Variants in KLHL4 observed in about 807,000 individuals in gnomAD.
KLHL4 encodes kelch like family member 4.
KLHL4 carries 17 observed loss-of-function variants against 45.8 expected under a neutral mutation model. The ratio of observed to expected loss-of-function variants is 0.37; its 90% CI spans 0.25 to 0.56. The LOEUF is 0.56. KLHL4 is among the 20% of genes least tolerant of loss of function. The pLI is 0.79. For synonymous variants in KLHL4, 224 were observed against 189.9 expected (o/e 1.18, Z -1.47); for missense variants, 544 against 544.9 (o/e 1.00, Z 0.02).
chrX:87,569,638 G>T (rs1275489117), intron 1 of KLHL4, among the ~76,000 whole-genome samples: 1 of 111,632 alleles, frequency 9.0e-6, no homozygotes, highest in East Asian at 2.8e-4. Flanking sequence ...ATACTGTTCA[G>T]CCGTATAAAG....
intron 9 of KLHL4, among the ~76,000 whole-genome samples, chrX:87,654,489 ATGTGTGTGTG>A (rs59086766): frequency 9.4e-6 from 1 of 106,772 alleles, no homozygotes; most frequent in Non-Finnish European, 1.9e-5. Context: ...GTGTATGTAT[ATGTGTGTGTG>A]TGTGTGTGTG....
At chrX:87,592,538 G>T (rs1448603274) in intron 1 of KLHL4, among the ~76,000 whole-genome samples, 2 of 111,101 alleles carry the variant, frequency 1.8e-5, no homozygotes, top group Non-Finnish European at 3.8e-5. Context: ...CCTGCCTTTT[G>T]GATAAAAGCC....
chrX:87,628,400 A>C (rs147074323), intron 6 of KLHL4, among the ~76,000 whole-genome samples: 2,344 of 111,866 alleles, frequency 0.021, 69 homozygotes, highest in African/African-American at 0.073. Context: ...AAAAAGAAAA[A>C]AGAGAAAAAG....
Position 87,657,327 on chromosome X carries a change from G to A in KLHL4, c.1926-7437G>A, listed in dbSNP as rs1924025529. ...AGCACCATGAAGAGGGTGAAGTTGG[G>A]CAGAGCTGGACCAGCTGGGGCCACC... is the stretch of plus-strand genomic sequence containing the variant. On this transcript the variant is annotated intron_variant, in intron 9 of 10. Coordinates refer to ENST00000373119, the MANE Select transcript of KLHL4 (RefSeq NM_019117.5). Among the ~76,000 whole-genome samples the A allele has an allele frequency of 5.3e-5, 6 of 112,382 alleles. No individual in the cohort carries two copies. The Admixed American group carries it at 5.7e-4, about 11-fold the overall frequency.
chrX:87,601,768 T>A (rs1482173570), intron 1 of KLHL4, among the ~76,000 whole-genome samples: 1 of 111,702 alleles, frequency 9.0e-6, no homozygotes, highest in East Asian at 2.8e-4. Flanking sequence ...ATCCTAAATA[T>A]TAAAAACATA....
intron 9 of KLHL4, among the ~76,000 whole-genome samples, chrX:87,636,509 G>T (rs997962844): frequency 3.6e-5 from 4 of 111,705 alleles, no homozygotes; most frequent in Admixed American, 2.8e-4. Flanking sequence ...GGATTGCTGC[G>T]CAGGGATAGC....
At chrX:87,610,771 G>C (rs1922342471) in intron 1 of KLHL4, among the ~76,000 whole-genome samples, 1 of 111,261 alleles carries the variant, frequency 9.0e-6, no homozygotes, top group Non-Finnish European at 1.9e-5. Flanking sequence ...AAAGGATTAG[G>C]TGATTAAAAC....
intron 9 of KLHL4, among the ~76,000 whole-genome samples, chrX:87,647,115 C>A (rs1426720586): frequency 3.6e-5 from 4 of 111,708 alleles, no homozygotes; most frequent in African/African-American, 1.3e-4. Context: ...ATACATATGG[C>A]CAACAAACAT....
At chrX:87,625,570 T>C (rs2147820115) in intron 5 of KLHL4, 40 bp from the exon 6 acceptor site, 1 of 1,056,740 alleles carries the variant, frequency 9.5e-7, no homozygotes, top group Non-Finnish European at 1.3e-6. Flanking sequence ...TTTCTAATGG[T>C]GAACTCTCCA....
rs903104706 is a variant in KLHL4, at chrX:87,666,922, A to T, written c.*388A>T. On this transcript the variant is annotated 3_prime_UTR_variant, in exon 11 of 11. Transcript: ENST00000373119. ...TTAAAAACATTTTCAGTTTTTTTTT[A>T]AAAAACGTACTCTTATTATCTGGAA... is the stretch of plus-strand genomic sequence containing the variant. 61 of 686,663 alleles carry T rather than the reference A, an allele frequency of 8.9e-5. No individual in the cohort carries two copies. Among genetic ancestry groups the T allele is most frequent in the African/African-American group, 4.5e-4 (19 of 41,852 alleles). 56.6% of individuals were successfully genotyped at this position (686,663 alleles called of 1,213,427 possible). A position where few individuals can be genotyped will look rare whatever the true frequency, so the allele number is the denominator to read the frequency against.
At chrX:87,569,418 C>CA (rs2147789174) in intron 1 of KLHL4, among the ~76,000 whole-genome samples, 1 of 111,103 alleles carries the variant, frequency 9.0e-6, no homozygotes, top group Admixed American at 9.6e-5. Context: ...AGAAGCTCCT[C>CA]AAAAAGTCAA....
chrX:87,559,217 C>T (rs746071002), intron 1 of KLHL4, among the ~76,000 whole-genome samples: 1 of 111,813 alleles, frequency 8.9e-6, no homozygotes, highest in African/African-American at 3.2e-5. Flanking sequence ...TTTATTTTAA[C>T]CATATAAAAA....
chrX:87,575,816 G>C (rs1921084113), intron 1 of KLHL4, among the ~76,000 whole-genome samples: 1 of 111,354 alleles, frequency 9.0e-6, no homozygotes, highest in African/African-American at 3.3e-5. Flanking sequence ...TATATATTTA[G>C]AGCCAGCAAA....
At chrX:87,574,159 A>G (rs1438183323) in intron 1 of KLHL4, among the ~76,000 whole-genome samples, 2 of 111,884 alleles carry the variant, frequency 1.8e-5, no homozygotes, top group Non-Finnish European at 3.8e-5. Flanking sequence ...AATGTAAAAT[A>G]TATTAAAACA....
At position 87,518,030 on chromosome X, in the gene KLHL4, C is replaced by A. The variant is rs1472816209; in HGVS notation, c.137C>A (p.Thr46Asn). The change falls in exon 1 of 11, where the codon ACC (threonine) becomes AAC (asparagine). Residue 46 changes from threonine to asparagine, a missense_variant. Thr to Asn is a moderately conservative substitution (Grantham distance 65). Coordinates refer to ENST00000373119, the MANE Select transcript of KLHL4 (RefSeq NM_019117.5). ...CAGGAAGGATATGAGCATAGAGGGA[C>A]CCCGGTTCAGGGCAGGTTGAAGAGC... ...LQQEGYEHRG[T>N]PVQGRLKSHS... The A allele has an allele frequency of 8.3e-7, 1 of 1,211,425 alleles. No individual in the cohort carries two copies. Among genetic ancestry groups the A allele is most frequent in the Non-Finnish European group, 1.1e-6 (1 of 895,441 alleles).
At chrX:87,608,613 A>G in intron 1 of KLHL4, among the ~76,000 whole-genome samples, 1 of 111,533 alleles carries the variant, frequency 9.0e-6, no homozygotes, top group East Asian at 2.8e-4. Flanking sequence ...GCAGGACACC[A>G]GCATCTGCAA....
intron 1 of KLHL4, among the ~76,000 whole-genome samples, chrX:87,605,026 T>A (rs1368163916): frequency 8.9e-6 from 1 of 111,748 alleles, no homozygotes; most frequent in Non-Finnish European, 1.9e-5. Flanking sequence ...GAAGAAATTT[T>A]TCCCAGTGTG....
At chrX:87,660,647 C>A (rs1202893874) in intron 9 of KLHL4, among the ~76,000 whole-genome samples, 1 of 111,919 alleles carries the variant, frequency 8.9e-6, no homozygotes, top group Non-Finnish European at 1.9e-5. Flanking sequence ...GAGATTGAGA[C>A]CAGCCTGACC....
chrX:87,625,516 C>T (rs1922895902), intron 5 of KLHL4, 94 bp from the exon 6 acceptor site: 1 of 766,757 alleles, frequency 1.3e-6, no homozygotes, highest in Non-Finnish European at 1.9e-6. Flanking sequence ...CAGGTGTACG[C>T]CACTGCGCCC....
Sources: allele counts gnomAD v4.1 joint callset (sites outside exome capture counted in the v4.1 genomes callset), GRCh38; gene constraint gnomAD v4.1.1; transcripts MANE v1.5; gene names NCBI Gene and HGNC (gene_info 2026-07-23, HGNC 2026-07-21).